The following KBTBD13 variants were observed in gnomAD, a reference collection of about 807,000 sequenced individuals.
KBTBD13 encodes kelch repeat and BTB domain containing 13, also known as kelch repeat and BTB domain-containing protein 13.
KBTBD13 carries 32 observed loss-of-function variants against 25.4 expected under a neutral mutation model. The observed-to-expected ratio is 1.26, with a 90% CI of 0.95 to 1.69. The LOEUF (loss-of-function observed/expected upper bound fraction) is 1.69, where lower values mean the gene tolerates loss of function less well. KBTBD13 is among the 40% of genes most tolerant of loss of function. The pLI is 0.00. For missense variants in KBTBD13, 898 were observed against 679.5 expected (o/e 1.32, Z -3.57); for synonymous variants, 436 against 329.8 (o/e 1.32, Z -3.49).
Position 65,077,409 on chromosome 15 carries a change from C to T in KBTBD13, c.594C>T (p.Ser198=), listed in dbSNP as rs1365801743. 7.2e-6 allele frequency: 11 copies of T among 1,526,748 alleles called. No homozygotes were observed. The highest frequency in any genetic ancestry group is 7.9e-6 in the Non-Finnish European group (9 of 1,141,328). 94.6% of individuals were successfully genotyped at this position (1,526,748 alleles called of 1,614,324 possible). ...RTLAALPLEA[S]TLLAGVATLG... is the part of the protein sequence containing the mutation. ...TGGCTGCGCTGCCCCTGGAGGCCAG[C>T]ACGTTGCTGGCCGGGGTGGCCACGC... Residue 198 remains serine (S), a synonymous_variant, in exon 1 of 1, where the codon AGC becomes AGT. Coordinates refer to ENST00000432196, the MANE Select transcript of KBTBD13 (RefSeq NM_001101362.3).
In KBTBD13 at chr15:65,078,262, C is replaced by T; in HGVS notation, c.*70C>T. 2.7e-6 allele frequency: 4 copies of T among 1,496,048 alleles called. No individual in the cohort carries two copies. The highest frequency in any genetic ancestry group is 3.6e-6 in the Non-Finnish European group (4 of 1,125,316). The allele number at this position is 1,496,048 out of a possible 1,614,324, so 92.7% of individuals were successfully genotyped here. ...CTGAGCTATGGCTGAGTGTGTGAGG[C>T]CGGCCTTAGAAGTAGCTGGCAACTT... On this transcript the variant is annotated 3_prime_UTR_variant, in exon 1 of 1. Coordinates refer to ENST00000432196, the MANE Select transcript of KBTBD13 (RefSeq NM_001101362.3).
At position 65,077,810 on chromosome 15, in the gene KBTBD13, C is replaced by T; in HGVS notation, c.995C>T (p.Pro332Leu). 1.9e-6 allele frequency: 3 copies of T among 1,602,008 alleles called. No homozygotes were observed. Among genetic ancestry groups the T allele is most frequent in the Non-Finnish European group, 1.7e-6 (2 of 1,177,526 alleles). ...GCAGTGCGGACCGACGCGTGGCTGC[C>T]AGTGGCCGAGCTGCGGCGTCCGCAG... ...EYAVRTDAWL[P>L]VAELRRPQSY... The change falls in exon 1 of 1, where the codon CCA (proline) becomes CTA (leucine). Residue 332 changes from proline to leucine, a missense_variant. Coordinates refer to ENST00000432196, the MANE Select transcript of KBTBD13 (RefSeq NM_001101362.3).
At position 65,077,843 on chromosome 15, in the gene KBTBD13, G is replaced by A. The variant is rs1437457186; in HGVS notation, c.1028G>A (p.Gly343Asp). The A allele has an allele frequency of 2.5e-6, 4 of 1,610,244 alleles. No homozygotes were observed. The highest frequency in any genetic ancestry group is 3.4e-6 in the Non-Finnish European group (4 of 1,179,656). ...GAGCTGCGGCGTCCGCAGAGCTATG[G>A]CCACTGCATGGTGGCCCACCGCGAC... ...VAELRRPQSY[G>D]HCMVAHRDSL... Residue 343 changes from glycine to aspartate, a missense_variant, in exon 1 of 1, where the codon GGC becomes GAC. Physicochemically the swap from Gly to Asp is moderately conservative, Grantham distance 94. Coordinates refer to ENST00000432196, the MANE Select transcript of KBTBD13 (RefSeq NM_001101362.3).
chr15:65,077,800 G>C lies in KBTBD13; in HGVS notation c.985G>C (p.Ala329Pro), dbSNP rs1158844505. Reference sequence around the variant, plus strand: ...GGTGGAGTACGCAGTGCGGACCGACGCGTGGCTGCCAGTGGCCGAGCTGCG... The same window carrying C: ...GGTGGAGTACGCAGTGCGGACCGACCCGTGGCTGCCAGTGGCCGAGCTGCG... ...AVVEYAVRTD[A>P]WLPVAELRRP... Residue 329 changes from alanine to proline, a missense_variant, in exon 1 of 1, where the codon GCG (alanine) becomes CCG (proline). Transcript: ENST00000432196. The C allele has an allele frequency of 2.5e-6, 4 of 1,597,320 alleles. No homozygotes were observed. The African/African-American group carries it at 5.4e-5, about 21-fold the overall frequency.
Position 65,078,834 on chromosome 15 carries a change from G to A in KBTBD13, c.*642G>A, listed in dbSNP as rs1046501205. Among the ~76,000 whole-genome samples the A allele has an allele frequency of 1.3e-5, 2 of 152,216 alleles. No homozygotes were observed. Among genetic ancestry groups the A allele is most frequent in the African/African-American group, 2.4e-5 (1 of 41,456 alleles). The stretch of plus-strand genomic sequence containing the variant: ...GAGAGTGTGCAAACTCTATGGAGGA[G>A]ATGAGCAGGATACCATTAGCTGCTG... On this transcript the variant is annotated 3_prime_UTR_variant, in exon 1 of 1. Coordinates refer to ENST00000432196, the MANE Select transcript of KBTBD13 (RefSeq NM_001101362.3).
At position 65,077,700 on chromosome 15, in the gene KBTBD13, C is replaced by G. The variant is rs756141986; in HGVS notation, c.885C>G (p.Ala295=). 1 of 1,577,958 alleles carries G rather than the reference C, an allele frequency of 6.3e-7. No homozygotes were observed. Among genetic ancestry groups the G allele is most frequent in the Non-Finnish European group, 8.6e-7 (1 of 1,167,654 alleles). Residue 295 remains alanine (A), a synonymous_variant, in exon 1 of 1, where the codon GCC becomes GCG. Transcript: ENST00000432196. ...TCGTGGCCGACCTGCCGCAGCCGGC[C>G]GCCGGCGTGCCCTGCGCCCAGGCTT... The part of the protein sequence containing the change: ...WSFVADLPQP[A]AGVPCAQACG...
Position 65,077,198 on chromosome 15 carries a change from T to A in KBTBD13, c.383T>A (p.Phe128Tyr). ...GACGTGTTCCACAGTGCCGCGCTCT[T>A]CATCTGCGACGGCGAGCGCGAGCTG... ...LRDVFHSAAL[F>Y]ICDGERELAA... The change falls in exon 1 of 1, where the codon TTC (phenylalanine) becomes TAC (tyrosine). Residue 128 changes from phenylalanine to tyrosine, a missense_variant. Transcript: ENST00000432196. 6.9e-7 allele frequency: 1 copy of A among 1,459,602 alleles called. No individual in the cohort carries two copies. Among genetic ancestry groups the A allele is most frequent in the Non-Finnish European group, 9.0e-7 (1 of 1,107,848 alleles). The allele number at this position is 1,459,602 out of a possible 1,614,324, so 90.4% of individuals were successfully genotyped here. A position where few individuals can be genotyped will look rare whatever the true frequency, so the allele number is the denominator to read the frequency against.
rs1006475987 is a variant in KBTBD13 at position 65,079,705 on chromosome 15, C to T, written c.*1513C>T. 1.3e-5 allele frequency among the ~76,000 whole-genome samples: 2 copies of T among 152,212 alleles called. No individual in the cohort carries two copies. The highest frequency in any genetic ancestry group is 2.9e-5 in the Non-Finnish European group (2 of 68,042). ...ACTTCTCTGGGTGGTTCTCATTGGTCTCCATCCCCCAGGACCTGAGGCCCA... is the reference window on the plus strand; with the variant it reads ...ACTTCTCTGGGTGGTTCTCATTGGTTTCCATCCCCCAGGACCTGAGGCCCA... On this transcript the variant is annotated 3_prime_UTR_variant, in exon 1 of 1. Transcript: ENST00000432196.
At position 65,078,469 on chromosome 15, in the gene KBTBD13, T is replaced by C. The variant is rs1404324900; in HGVS notation, c.*277T>C. Among the ~76,000 whole-genome samples the C allele has an allele frequency of 1.3e-5, 2 of 152,174 alleles. No homozygotes were observed. The highest frequency in any genetic ancestry group is 4.8e-5 in the African/African-American group (2 of 41,432). On this transcript the variant is annotated 3_prime_UTR_variant, in exon 1 of 1. Coordinates refer to ENST00000432196, the MANE Select transcript of KBTBD13 (RefSeq NM_001101362.3). ...TTGAATAATCCGGGCTTATATGTAATGGGCTAGTGATTGAGCATCGCTGGG... is the reference window on the plus strand; with the variant it reads ...TTGAATAATCCGGGCTTATATGTAACGGGCTAGTGATTGAGCATCGCTGGG...
chr15:65,079,270 A>T lies in KBTBD13; in HGVS notation c.*1078A>T, dbSNP rs1364820587. 6.6e-6 allele frequency among the ~76,000 whole-genome samples: 1 copy of T among 151,986 alleles called. No homozygotes were observed. The highest frequency in any genetic ancestry group is 1.5e-5 in the Non-Finnish European group (1 of 67,992). ...TACAGGTTTGTTCTCTTCCTGTCCT[A>T]TTCTGCCCTTTGCAATTCCCTGGGC... On this transcript the variant is annotated 3_prime_UTR_variant, in exon 1 of 1. Coordinates refer to ENST00000432196, the MANE Select transcript of KBTBD13 (RefSeq NM_001101362.3).
rs767621440 is a variant in KBTBD13, at chr15:65,078,179, CG to C, written c.1366del (p.Ala456GlnfsTer26). On this transcript the variant is annotated frameshift_variant, in exon 1 of 1. Coordinates refer to ENST00000432196, the MANE Select transcript of KBTBD13 (RefSeq NM_001101362.3). LOFTEE classifies it high-confidence loss of function. ...GCTCCTGGGCCTGTGACTTCGACAA[CG>C]GCAGAACTGTGACCTCTGGGCTGGC... ...PGAPGPVTSTTAEL is the reference protein window; with the variant it reads ...PGAPGPVTSTXAEL The C allele has an allele frequency of 7.1e-6, 11 of 1,540,354 alleles. No individual in the cohort carries two copies. In the Admixed American group the frequency reaches 9.8e-5, roughly 14 times the overall value.
rs763943515 is a variant in KBTBD13 at position 65,076,780 on chromosome 15, AG to A, written c.-34del. 2.8e-5 allele frequency: 41 copies of A among 1,485,654 alleles called. No individual in the cohort carries two copies. Among genetic ancestry groups the A allele is most frequent in the Non-Finnish European group, 3.3e-5 (37 of 1,118,604 alleles). The allele number at this position is 1,485,654 out of a possible 1,614,324, so 92.0% of individuals were successfully genotyped here. On this transcript the variant is annotated 5_prime_UTR_variant, in exon 1 of 1. Coordinates refer to ENST00000432196, the MANE Select transcript of KBTBD13 (RefSeq NM_001101362.3). ...CCAGAGTTGGTGGCTGGCTAACCCA[AG>A]GCCCCAGCGGCAGCCTCCGCCCGGC...
Position 65,076,887 on chromosome 15 carries a change from G to A in KBTBD13, c.72G>A (p.Leu24=). The change falls in exon 1 of 1, where the codon CTG becomes CTA. Residue 24 remains leucine, a synonymous_variant. Transcript: ENST00000432196. Reference sequence around the variant, plus strand: ...AGCTCTTCCAAGCCGACCGCGCCCTGCTGGTGGAGCACTGTGGCTTCTTCC... The same window carrying A: ...AGCTCTTCCAAGCCGACCGCGCCCTACTGGTGGAGCACTGTGGCTTCTTCC... ...GGQLFQADRA[L]LVEHCGFFRG... 6.4e-7 allele frequency: 1 copy of A among 1,565,692 alleles called. No individual in the cohort carries two copies. Among genetic ancestry groups the A allele is most frequent in the Non-Finnish European group, 8.6e-7 (1 of 1,163,344 alleles).
Position 65,076,749 on chromosome 15 carries a change from G to A in KBTBD13, c.-67G>A, listed in dbSNP as rs2086973714. The stretch of plus-strand genomic sequence containing the variant: ...CCCCAGGGAAGTTTTTTGCTCCAGG[G>A]GAGCCCCAGAGTTGGTGGCTGGCTA... On this transcript the variant is annotated 5_prime_UTR_variant, in exon 1 of 1. Transcript: ENST00000432196. 7.0e-7 allele frequency: 1 copy of A among 1,426,742 alleles called. No individual in the cohort carries two copies. The highest frequency in any genetic ancestry group is 9.3e-7 in the Non-Finnish European group (1 of 1,077,676). The allele number at this position is 1,426,742 out of a possible 1,614,324, so 88.4% of individuals were successfully genotyped here. A position where few individuals can be genotyped will look rare whatever the true frequency, so the allele number is the denominator to read the frequency against.
chr15:65,078,199 G>C lies in KBTBD13; in HGVS notation c.*7G>C. The stretch of plus-strand genomic sequence containing the variant: ...GACAACGGCAGAACTGTGACCTCTG[G>C]GCTGGCTTTAGGAGGGAGGAGACGC... On this transcript the variant is annotated 3_prime_UTR_variant, in exon 1 of 1. Transcript: ENST00000432196. The C allele has an allele frequency of 1.3e-6, 2 of 1,536,468 alleles. No individual in the cohort carries two copies. Among genetic ancestry groups the C allele is most frequent in the African/African-American group, 1.4e-5 (1 of 73,166 alleles).
rs913930557 is a variant in KBTBD13 at position 65,079,027 on chromosome 15, G to T, written c.*835G>T. Reference sequence around the variant, plus strand: ...ACTGGGCCAGCTTGCAGCAGATAATGACTGAGCTGAGCCTGGAGTGAGACC... The same window carrying T: ...ACTGGGCCAGCTTGCAGCAGATAATTACTGAGCTGAGCCTGGAGTGAGACC... On this transcript the variant is annotated 3_prime_UTR_variant, in exon 1 of 1. Transcript: ENST00000432196. 1.3e-5 allele frequency among the ~76,000 whole-genome samples: 2 copies of T among 152,198 alleles called. No individual in the cohort carries two copies. Among genetic ancestry groups the T allele is most frequent in the African/African-American group, 4.8e-5 (2 of 41,456 alleles).
At position 65,077,760 on chromosome 15, in the gene KBTBD13, C is replaced by T; in HGVS notation, c.945C>T (p.Ala315=). 1.9e-6 allele frequency: 3 copies of T among 1,577,044 alleles called. No homozygotes were observed. The highest frequency in any genetic ancestry group is 1.7e-4 in the Middle Eastern group (1 of 5,960). ...TCTTCGTGTGCCTGTGGCGGCCGGC[C>T]GACACCACCGCCGTGGTGGAGTACG... is the stretch of plus-strand genomic sequence containing the variant. The part of the protein sequence containing the change: ...GRLFVCLWRP[A]DTTAVVEYAV... The change falls in exon 1 of 1, where the codon GCC becomes GCT. Residue 315 remains alanine (A), a synonymous_variant. Coordinates refer to ENST00000432196, the MANE Select transcript of KBTBD13 (RefSeq NM_001101362.3).
Position 65,077,358 on chromosome 15 carries a change from C to A in KBTBD13, c.543C>A (p.Asp181Glu). The change falls in exon 1 of 1, where the codon GAC becomes GAA. Residue 181 changes from aspartate (D) to glutamate (E), a missense_variant. Physicochemically the swap from Asp to Glu is conservative, Grantham distance 45. Coordinates refer to ENST00000432196, the MANE Select transcript of KBTBD13 (RefSeq NM_001101362.3). Reference protein sequence around the residue: ...EDASRTLCYLDEEEDAWRTLA... With the variant: ...EDASRTLCYLEEEEDAWRTLA... ...CCTCGCGCACGCTGTGTTACCTGGA[C>A]GAGGAAGAGGACGCGTGGCGCACGC... The A allele has an allele frequency of 6.7e-7, 1 of 1,500,256 alleles. No individual in the cohort carries two copies. 92.9% of individuals were successfully genotyped at this position (1,500,256 alleles called of 1,614,324 possible).
chr15:65,077,880 G>T lies in KBTBD13; in HGVS notation c.1065G>T (p.Val355=), dbSNP rs2087002368. The change falls in exon 1 of 1, where the codon GTG becomes GTT. Residue 355 remains valine, a synonymous_variant. Transcript: ENST00000432196. ...TGGCCCACCGCGACAGCCTCTATGTGGTGCGCAACGGACCTTCCGACGACT... is the reference window on the plus strand; with the variant it reads ...TGGCCCACCGCGACAGCCTCTATGTTGTGCGCAACGGACCTTCCGACGACT... The part of the protein sequence containing the change: ...CMVAHRDSLY[V]VRNGPSDDFL... 6.2e-7 allele frequency: 1 copy of T among 1,611,806 alleles called. No homozygotes were observed. Among genetic ancestry groups the T allele is most frequent in the African/African-American group, 1.3e-5 (1 of 75,072 alleles).
Sources: gnomAD v4.1 joint callset for allele counts (sites outside exome capture counted in the v4.1 genomes callset) on GRCh38, gnomAD v4.1.1 for gene constraint, MANE v1.5 for transcripts, NCBI Gene and HGNC (gene_info 2026-07-23, HGNC 2026-07-21) for gene names.